The following TNFRSF17 variants were observed in gnomAD, a reference collection of about 807,000 sequenced individuals.
TNFRSF17 encodes the protein tumor necrosis factor receptor superfamily member 17.
TNFRSF17 carries 13 observed loss-of-function variants against 9.9 expected under a neutral mutation model. The observed-to-expected ratio is 1.31, with a 90% CI of 0.85 to 2.08. The LOEUF is 2.08. TNFRSF17 is among the 30% of genes most tolerant of loss of function. TNFRSF17 has a pLI of 0.00. For missense variants in TNFRSF17, 305 were observed against 225.8 expected, an observed-to-expected ratio of 1.35 and a Z score of -2.25; for synonymous variants, 99 against 83.7, an observed-to-expected ratio of 1.18 and a Z score of -1.00.
Position 11,965,342 on chromosome 16 carries a change from G to A in TNFRSF17, c.18G>A (p.Gly6=). The A allele has an allele frequency of 1.9e-6, 3 of 1,614,150 alleles. No individual in the cohort carries two copies. The highest frequency in any genetic ancestry group is 1.7e-6 in the Non-Finnish European group (2 of 1,180,014). Residue 6 remains glycine, a synonymous_variant, in exon 1 of 3, where the codon GGG becomes GGA. Transcript: ENST00000053243. ...TTGTGATCATGTTGCAGATGGCTGG[G>A]CAGTGCTCCCAAAATGAATATTTTG... MLQMA[G]QCSQNEYFDS... is the part of the protein sequence containing the mutation.
At chr16:11,967,073 T>C (rs940439235) in intron 2 of TNFRSF17, 7 of 224,236 alleles carry the variant, frequency 3.1e-5, no homozygotes, top group African/African-American at 1.4e-4. Flanking sequence ...TGATCTCAAC[T>C]CACTGCAGCC....
rs958388480 is a variant in TNFRSF17, at chr16:11,967,994, T to A, written c.*147T>A. 4.5e-6 allele frequency: 4 copies of A among 879,198 alleles called. No homozygotes were observed. Among genetic ancestry groups the A allele is most frequent in the Middle Eastern group, 3.5e-4 (1 of 2,836 alleles). 54.5% of individuals were successfully genotyped at this position (879,198 alleles called of 1,614,324 possible). On this transcript the variant is annotated 3_prime_UTR_variant, in exon 3 of 3. Transcript: ENST00000053243. ...GTGGAAACTCTTTATGTTAGATATA[T>A]TTCTCTAGGTTACTGTTGGGAGCTT... is the stretch of plus-strand genomic sequence containing the variant.
chr16:11,966,092 CAG>C, intron 1 of TNFRSF17, 101 bp from the exon 2 acceptor site: 1 of 1,252,346 alleles, frequency 8.0e-7, no homozygotes, highest in Non-Finnish European at 1.1e-6. Context: ...GCCTGGGCAA[CAG>C]AGCAAGACTT....
At chr16:11,965,868 G>T (rs1421197238) in intron 1 of TNFRSF17, among the ~76,000 whole-genome samples, 2 of 152,186 alleles carry the variant, frequency 1.3e-5, no homozygotes, top group African/African-American at 2.4e-5. Context: ...CCAGCACTTT[G>T]GGAGGCCGAG....
intron 1 of TNFRSF17, among the ~76,000 whole-genome samples, chr16:11,965,775 A>T (rs2055188484): frequency 2.0e-5 from 3 of 152,180 alleles, no homozygotes; most frequent in Admixed American, 2.0e-4. Context: ...TTATTTTGCT[A>T]TCAAAACAAT....
Position 11,965,445 on chromosome 16 carries a change from T to G in TNFRSF17, c.121T>G (p.Cys41Gly). The change falls in exon 1 of 3, where the codon TGT (cysteine) becomes GGT (glycine). Residue 41 changes from cysteine to glycine, a missense_variant. Cys to Gly is a radical substitution (Grantham distance 159, BLOSUM62 -3). Coordinates refer to ENST00000053243, the MANE Select transcript of TNFRSF17 (RefSeq NM_001192.3). Reference protein sequence around the residue: ...NTPPLTCQRYCNASVTNSVKG... With the variant: ...NTPPLTCQRYGNASVTNSVKG... ...TCCTCCTCTAACATGTCAGCGTTAT[T>G]GTAATGCAAGTAAGTAATATTGCTT... 6.2e-7 allele frequency: 1 copy of G among 1,614,176 alleles called. No individual in the cohort carries two copies. Among genetic ancestry groups the G allele is most frequent in the Non-Finnish European group, 8.5e-7 (1 of 1,180,000 alleles).
intron 1 of TNFRSF17, 127 bp downstream of exon 1, chr16:11,965,581 C>G: frequency 1.0e-6 from 1 of 976,174 alleles, no homozygotes. Context: ...AGAAAGGAAG[C>G]AAGGCAGTGA....
intron 2 of TNFRSF17, 57 bp from the exon 3 acceptor site, chr16:11,967,513 C>G: frequency 6.4e-7 from 1 of 1,557,250 alleles, no homozygotes; most frequent in Non-Finnish European, 8.7e-7. Context: ...TGCTAAGACT[C>G]TCATGACCAC....
At chr16:11,966,121 A>C in intron 1 of TNFRSF17, 74 bp from the exon 2 acceptor site, 2 of 1,429,020 alleles carry the variant, frequency 1.4e-6, no homozygotes, top group South Asian at 1.4e-5. Context: ...AAAATAAATA[A>C]ATAAATAATA....
Position 11,965,320 on chromosome 16 carries a change from T to A in TNFRSF17, c.-5T>A, listed in dbSNP as rs372620061. On this transcript the variant is annotated 5_prime_UTR_variant, in exon 1 of 3. Transcript: ENST00000053243. ...CTGTAGCTCCCTTGTTTTCTTTTTG[T>A]GATCATGTTGCAGATGGCTGGGCAG... The A allele has an allele frequency of 2.0e-5, 32 of 1,614,168 alleles. 1 individual carries two copies. In the African/African-American group the frequency reaches 3.5e-4, roughly 17 times the overall value.
At position 11,967,752 on chromosome 16, in the gene TNFRSF17, A is replaced by G. The variant is rs752367622; in HGVS notation, c.460A>G (p.Thr154Ala). 6 of 1,614,076 alleles carry G rather than the reference A, an allele frequency of 3.7e-6. No individual in the cohort carries two copies. The African/African-American group carries it at 8.0e-5, about 22-fold the overall frequency. The change falls in exon 3 of 3, where the codon ACC becomes GCC. Residue 154 changes from threonine to alanine, a missense_variant. Thr to Ala is a moderately conservative substitution (Grantham distance 58). Transcript: ENST00000053243. ...FPLPAMEEGA[T>A]ILVTTKTNDY... ...ACTCCCAGCTATGGAGGAAGGCGCA[A>G]CCATTCTTGTCACCACGAAAACGAA... is the stretch of plus-strand genomic sequence containing the variant.
At position 11,967,807 on chromosome 16, in the gene TNFRSF17, T is replaced by C; in HGVS notation, c.515T>C (p.Leu172Ser). The change falls in exon 3 of 3, where the codon TTG becomes TCG. Residue 172 changes from leucine to serine, a missense_variant. Transcript: ENST00000053243. ...NDYCKSLPAA[L>S]SATEIEKSIS... ...TATTGCAAGAGCCTGCCAGCTGCTT[T>C]GAGTGCTACGGAGATAGAGAAATCA... 1 of 1,614,208 alleles carries C rather than the reference T, an allele frequency of 6.2e-7. No homozygotes were observed. The highest frequency in any genetic ancestry group is 8.5e-7 in the Non-Finnish European group (1 of 1,180,034).
At chr16:11,967,028 T>C in intron 2 of TNFRSF17, 2 of 199,870 alleles carry the variant, frequency 1.0e-5, no homozygotes, top group Non-Finnish European at 2.1e-5. Flanking sequence ...AGAGATGGAG[T>C]CTCGCTCTGT....
chr16:11,965,216 C>A lies in TNFRSF17; in HGVS notation c.-109C>A. 2.0e-6 allele frequency: 3 copies of A among 1,464,292 alleles called. No homozygotes were observed. Among genetic ancestry groups the A allele is most frequent in the Non-Finnish European group, 2.8e-6 (3 of 1,071,608 alleles). 90.7% of individuals were successfully genotyped at this position (1,464,292 alleles called of 1,614,324 possible). ...CACGAAGCAGGCGAAGTTCATTGTT[C>A]TCAACATTCTAGCTGCTCTTGCTGC... is the stretch of plus-strand genomic sequence containing the variant. On this transcript the variant is annotated 5_prime_UTR_variant, in exon 1 of 3. Coordinates refer to ENST00000053243, the MANE Select transcript of TNFRSF17 (RefSeq NM_001192.3).
rs1005329573 is a variant in TNFRSF17 at position 11,965,212 on chromosome 16, T to A, written c.-113T>A. 4.2e-6 allele frequency: 6 copies of A among 1,430,148 alleles called. No homozygotes were observed. In the African/African-American group the frequency reaches 5.7e-5, roughly 14 times the overall value. 88.6% of individuals were successfully genotyped at this position (1,430,148 alleles called of 1,614,324 possible). A position where few individuals can be genotyped will look rare whatever the true frequency, so the allele number is the denominator to read the frequency against. On this transcript the variant is annotated 5_prime_UTR_variant, in exon 1 of 3. Transcript: ENST00000053243. ...AACCCACGAAGCAGGCGAAGTTCAT[T>A]GTTCTCAACATTCTAGCTGCTCTTG...
chr16:11,965,588 G>C lies in TNFRSF17; in HGVS notation c.130+134G>C. On this transcript the variant is annotated intron_variant, in intron 1 of 2. Coordinates refer to ENST00000053243, the MANE Select transcript of TNFRSF17 (RefSeq NM_001192.3). ...TCAAAAAGAGAAAGGAAGCAAGGCA[G>C]TGATTTTAATGTTTATGGAAACAAA... 5.4e-6 allele frequency: 5 copies of C among 928,564 alleles called. No homozygotes were observed. In the East Asian group the frequency reaches 7.6e-5, roughly 14 times the overall value. The allele number at this position is 928,564 out of a possible 1,614,324, so 57.5% of individuals were successfully genotyped here.
intron 2 of TNFRSF17, chr16:11,967,219 C>G: frequency 1.8e-5 from 4 of 221,306 alleles, no homozygotes; most frequent in South Asian, 7.8e-5. Flanking sequence ...CCAGGATGGT[C>G]TCAAGCTCCT....
At position 11,965,213 on chromosome 16, in the gene TNFRSF17, G is replaced by T. The variant is rs2055184044; in HGVS notation, c.-112G>T. ...ACCCACGAAGCAGGCGAAGTTCATT[G>T]TTCTCAACATTCTAGCTGCTCTTGC... On this transcript the variant is annotated 5_prime_UTR_variant, in exon 1 of 3. Coordinates refer to ENST00000053243, the MANE Select transcript of TNFRSF17 (RefSeq NM_001192.3). 6.9e-7 allele frequency: 1 copy of T among 1,447,892 alleles called. No individual in the cohort carries two copies. The highest frequency in any genetic ancestry group is 1.9e-5 in the Admixed American group (1 of 52,100). 89.7% of individuals were successfully genotyped at this position (1,447,892 alleles called of 1,614,324 possible).
chr16:11,966,770 A>G (rs777881302), intron 2 of TNFRSF17, among the ~76,000 whole-genome samples: 5 of 152,160 alleles, frequency 3.3e-5, no homozygotes, highest in Non-Finnish European at 5.9e-5. Flanking sequence ...ACATTTTACT[A>G]CTGAAAAATG....
Sources: allele counts gnomAD v4.1 joint callset (sites outside exome capture counted in the v4.1 genomes callset), GRCh38; gene constraint gnomAD v4.1.1; transcripts MANE v1.5; gene names NCBI Gene and HGNC (gene_info 2026-07-23, HGNC 2026-07-21).